The following KLHL1 variants were observed in gnomAD, a reference collection of about 807,000 sequenced individuals.
KLHL1 encodes the protein kelch like family member 1, also known as kelch-like protein 1.
A neutral mutation model predicts 77.7 loss-of-function variants in KLHL1; 47 were observed. That is an observed-to-expected ratio of 0.60 (90% CI 0.48 to 0.77). KLHL1 has a LOEUF of 0.77. Ranked by LOEUF, KLHL1 falls within the 30% of genes least tolerant of loss-of-function variation. KLHL1 has a pLI of 0.00. For synonymous variants in KLHL1, 360 were observed against 325.2 expected, an observed-to-expected ratio of 1.11 and a Z score of -1.15; for missense variants, 925 against 910.8, an observed-to-expected ratio of 1.02 and a Z score of -0.20.
At chr13:69,735,092 G>T (rs931932148) in intron 8 of KLHL1, among the ~76,000 whole-genome samples, 4 of 152,010 alleles carry the variant, frequency 2.6e-5, no homozygotes, top group Non-Finnish European at 5.9e-5. Context: ...ATGATTTATA[G>T]TTAGAGTATT....
chr13:70,062,162 C>A (rs539286201), intron 1 of KLHL1, among the ~76,000 whole-genome samples: 1 of 152,054 alleles, frequency 6.6e-6, no homozygotes, highest in Admixed American at 6.6e-5. Flanking sequence ...ATGGGAAGCA[C>A]GCTTGTATTT....
intron 1 of KLHL1, among the ~76,000 whole-genome samples, chr13:70,049,871 T>G (rs1389567583): frequency 2.0e-5 from 3 of 151,990 alleles, no homozygotes; most frequent in African/African-American, 7.2e-5. Flanking sequence ...CTTCTACTCT[T>G]CTGACAGAAA....
intron 7 of KLHL1, among the ~76,000 whole-genome samples, chr13:69,795,402 G>C (rs986022115): frequency 3.9e-5 from 6 of 152,094 alleles, no homozygotes; most frequent in African/African-American, 1.5e-4. Flanking sequence ...CTGTGGATTT[G>C]CAATTAAACT....
At chr13:69,880,657 A>C (rs1880953261) in intron 5 of KLHL1, among the ~76,000 whole-genome samples, 1 of 152,172 alleles carries the variant, frequency 6.6e-6, no homozygotes, top group South Asian at 2.1e-4. Context: ...GTAACCATTT[A>C]ATGACATGCA....
At chr13:69,974,117 T>C (rs1884474727) in intron 2 of KLHL1, among the ~76,000 whole-genome samples, 1 of 151,972 alleles carries the variant, frequency 6.6e-6, no homozygotes. Flanking sequence ...GTAATGTACT[T>C]AAGTTTATCA....
chr13:69,797,279 C>A (rs1877152209), intron 6 of KLHL1, among the ~76,000 whole-genome samples: 1 of 152,122 alleles, frequency 6.6e-6, no homozygotes, highest in Non-Finnish European at 1.5e-5. Flanking sequence ...TTCCCTCTAT[C>A]ACTTTTGTCA....
chr13:69,882,406 A>T lies in KLHL1; in HGVS notation c.1104T>A (p.Asn368Lys), dbSNP rs1881034468. The change falls in exon 5 of 11, where the codon AAT becomes AAA. Residue 368 changes from asparagine to lysine, a missense_variant. By Grantham distance (94) the Asn-to-Lys change is moderately conservative. Transcript: ENST00000377844. Reference sequence around the variant, plus strand: ...GGAAGATGGTTTCTTCATCAGGAACATTGACATCATCACTGGCCAGTAGTT... The same window carrying T: ...GGAAGATGGTTTCTTCATCAGGAACTTTGACATCATCACTGGCCAGTAGTT... Reference protein sequence around the residue: ...LHKLLASDDVNVPDEETIFHA... With the variant: ...LHKLLASDDVKVPDEETIFHA... 6.2e-7 allele frequency: 1 copy of T among 1,613,718 alleles called. No homozygotes were observed.
intron 1 of KLHL1, among the ~76,000 whole-genome samples, chr13:70,057,674 G>A (rs948018454): frequency 1.3e-5 from 2 of 148,874 alleles, no homozygotes; most frequent in African/African-American, 4.9e-5. Flanking sequence ...TACTCGGGAG[G>A]CTGAGGCAGG....
intron 2 of KLHL1, among the ~76,000 whole-genome samples, chr13:69,971,862 T>C (rs755772462): frequency 2.0e-5 from 3 of 152,098 alleles, no homozygotes; most frequent in Non-Finnish European, 2.9e-5. Context: ...TAGAGTATGT[T>C]TGATAATTGT....
At chr13:69,936,547 C>A (rs1593965694) in intron 4 of KLHL1, among the ~76,000 whole-genome samples, 1 of 149,314 alleles carries the variant, frequency 6.7e-6, no homozygotes, top group African/African-American at 2.5e-5. Context: ...GGAGATTACG[C>A]CTCTGCACTC....
Position 69,885,195 on chromosome 13 carries a change from C to G in KLHL1, c.1015-2700G>C, listed in dbSNP as rs59924862. 2.2e-5 allele frequency among the ~76,000 whole-genome samples: 3 copies of G among 136,822 alleles called. 1 individual carries two copies. Among genetic ancestry groups the G allele is most frequent in the African/African-American group, 1.0e-4 (3 of 29,678 alleles). 89.8% of individuals were successfully genotyped at this position (136,822 alleles called of 152,430 possible). A position where few individuals can be genotyped will look rare whatever the true frequency, so the allele number is the denominator to read the frequency against. On this transcript the variant is annotated intron_variant, in intron 4 of 10. Transcript: ENST00000377844. ...GACCTCGTGATCCACCCGCCTCGGC[C>G]TCCCAAAGTGCTGGGATTACAGGCG...
At chr13:70,003,790 G>A (rs943066063) in intron 1 of KLHL1, among the ~76,000 whole-genome samples, 3 of 151,688 alleles carry the variant, frequency 2.0e-5, no homozygotes, top group African/African-American at 7.3e-5. Context: ...AAATGAATGA[G>A]ATAATTAGGA....
chr13:69,741,202 GAT>G (rs1873974601), intron 7 of KLHL1, among the ~76,000 whole-genome samples: 1 of 152,096 alleles, frequency 6.6e-6, no homozygotes, highest in African/African-American at 2.4e-5. Flanking sequence ...TCCATGGGAA[GAT>G]ATATATAACT....
intron 6 of KLHL1, among the ~76,000 whole-genome samples, chr13:69,818,577 G>A (rs1292722643): frequency 2.6e-5 from 4 of 152,064 alleles, no homozygotes; most frequent in Non-Finnish European, 5.9e-5. Context: ...TCTTAACTTA[G>A]TTCTTCCCTT....
chr13:69,931,292 A>C (rs1245668509), intron 4 of KLHL1, among the ~76,000 whole-genome samples: 1 of 151,790 alleles, frequency 6.6e-6, no homozygotes, highest in African/African-American at 2.4e-5. Context: ...TTGGTGAAAT[A>C]GTTCATTTTG....
intron 1 of KLHL1, among the ~76,000 whole-genome samples, chr13:70,034,689 T>C (rs1414362828): frequency 6.6e-6 from 1 of 152,188 alleles, no homozygotes; most frequent in Admixed American, 6.5e-5. Context: ...TGCATGTGTA[T>C]TTTGAGGAAG....
chr13:69,876,509 T>C (rs1880768495), intron 5 of KLHL1, among the ~76,000 whole-genome samples: 1 of 152,240 alleles, frequency 6.6e-6, no homozygotes, highest in Non-Finnish European at 1.5e-5. Flanking sequence ...AATACTTGAA[T>C]GTCCTTGTTA....
At chr13:69,744,659 C>T (rs372088670) in intron 7 of KLHL1, among the ~76,000 whole-genome samples, 2 of 150,586 alleles carry the variant, frequency 1.3e-5, no homozygotes, top group African/African-American at 4.9e-5. Context: ...GAAAGGTACA[C>T]CCCCCCCAAA....
At chr13:69,714,001 T>A (rs758781388) in intron 9 of KLHL1, among the ~76,000 whole-genome samples, 4 of 152,150 alleles carry the variant, frequency 2.6e-5, no homozygotes, top group Non-Finnish European at 5.9e-5. Context: ...GCTGATGATG[T>A]GCTTAATGTC....
Sources: allele counts gnomAD v4.1 joint callset (sites outside exome capture counted in the v4.1 genomes callset), GRCh38; gene constraint gnomAD v4.1.1; transcripts MANE v1.5; gene names NCBI Gene and HGNC (gene_info 2026-07-23, HGNC 2026-07-21).